GCNT2: variants seen among roughly 807,000 people sequenced by gnomAD.
GCNT2 encodes the protein glucosaminyl (N-acetyl) transferase 2 (I blood group).
Under a neutral mutation model 34.2 loss-of-function variants are expected in GCNT2, and 34 were observed. The ratio of observed to expected loss-of-function variants is 1.00; its 90% confidence interval spans 0.76 to 1.32. The LOEUF (loss-of-function observed/expected upper bound fraction) is 1.32. Ranked by LOEUF, GCNT2 falls within the 40% of genes most tolerant of loss-of-function variation. GCNT2 has a pLI of 0.00. For synonymous variants in GCNT2, 212 were observed against 188.0 expected, an observed-to-expected ratio of 1.13 and a Z score of -1.04; for missense variants, 584 against 489.4, an observed-to-expected ratio of 1.19 and a Z score of -1.82.
Position 10,529,117 on chromosome 6 carries a change from T to G in GCNT2, c.206T>G (p.Leu69Arg). 1 of 1,614,122 alleles carries G rather than the reference T, an allele frequency of 6.2e-7. No individual in the cohort carries two copies. The highest frequency in any genetic ancestry group is 8.5e-7 in the Non-Finnish European group (1 of 1,179,962). ...YPTENALKTT[L>R]DEATCYEYMV... ...ACAGAAAATGCATTGAAAACTACCCTTGATGAAGCTACCTGCTATGAGTAC... is the reference window on the plus strand; with the variant it reads ...ACAGAAAATGCATTGAAAACTACCCGTGATGAAGCTACCTGCTATGAGTAC... Residue 69 changes from leucine to arginine, a missense_variant, in exon 3 of 5, where the codon CTT (leucine) becomes CGT (arginine). Leu to Arg is a moderately radical substitution (Grantham distance 102). Coordinates refer to ENST00000495262, the MANE Select transcript of GCNT2 (RefSeq NM_145649.5).
At chr6:10,623,417 G>T (rs1486295428) in intron 4 of GCNT2, among the ~76,000 whole-genome samples, 1 of 151,216 alleles carries the variant, frequency 6.6e-6, no homozygotes, top group East Asian at 2.0e-4. Context: ...TCAGCCTCCT[G>T]AGTAGCTGAG....
chr6:10,530,191 G>T, intron 3 of GCNT2: 1 of 213,688 alleles, frequency 4.7e-6, no homozygotes, highest in Non-Finnish European at 9.6e-6. Context: ...GTGAAAACCT[G>T]TATCTACTAA....
At chr6:10,588,456 T>G (rs1221151198) in intron 3 of GCNT2, among the ~76,000 whole-genome samples, 2 of 152,224 alleles carry the variant, frequency 1.3e-5, no homozygotes, top group African/African-American at 4.8e-5. Flanking sequence ...AGCAATAGTA[T>G]GTTCACGTTG....
intron 3 of GCNT2, among the ~76,000 whole-genome samples, chr6:10,588,785 ATGTGTGTGTG>A (rs60988454): frequency 8.9e-5 from 12 of 135,162 alleles, no homozygotes; most frequent in Admixed American, 1.5e-4. Flanking sequence ...TGTGTGTGTG[ATGTGTGTGTG>A]TGTGTGTGTG....
At position 10,579,354 on chromosome 6, in the gene GCNT2, A is replaced by T. The variant is rs2127405255; in HGVS notation, c.926-41997A>T. On this transcript the variant is annotated intron_variant, in intron 3 of 4. Transcript: ENST00000495262. ...TTTTTAAATAGAATGTGCAGAATAT[A>T]TGTATAACATGTCTATTAATCCATT... Among the ~76,000 whole-genome samples, 4 of 152,330 alleles carry T rather than the reference A, an allele frequency of 2.6e-5. No individual in the cohort carries two copies. In the Middle Eastern group the frequency reaches 0.014, roughly 518 times the overall value.
chr6:10,556,797 A>T (rs1040029439), intron 3 of GCNT2: 1 of 1,614,200 alleles, frequency 6.2e-7, no homozygotes, highest in Non-Finnish European at 8.5e-7. Context: ...TACTGTGTTC[A>T]TGTGGATGAA....
Position 10,589,186 on chromosome 6 carries a change from G to A in GCNT2, c.926-32165G>A, listed in dbSNP as rs563754154. Among the ~76,000 whole-genome samples, 32 of 113,800 alleles carry A rather than the reference G, an allele frequency of 2.8e-4. No homozygotes were observed. The East Asian group carries it at 3.3e-3, about 12-fold the overall frequency. The allele number at this position is 113,800 out of a possible 152,430, so 74.7% of individuals were successfully genotyped here. ...TGTGGTGTGTGTGTGGTGTATGTGC[G>A]TCATGTGTGTATGGTGTGTGTGGTG... On this transcript the variant is annotated intron_variant, in intron 3 of 4. Transcript: ENST00000495262.
intron 3 of GCNT2, among the ~76,000 whole-genome samples, chr6:10,570,834 C>T (rs943712460): frequency 1.3e-5 from 2 of 152,192 alleles, no homozygotes; most frequent in Admixed American, 6.5e-5. Context: ...TGTCTGGTTT[C>T]TTCTCTCCCA....
chr6:10,527,490 GA>G lies in GCNT2; in HGVS notation c.-449del, dbSNP rs1358527427. ...TACATACAGACAATGCTAGGAGCCA[GA>G]AACATGAGGAATACATGAGCTCGGC... On this transcript the variant is annotated 5_prime_UTR_variant, in exon 2 of 5. It introduces an in-frame stop codon into an upstream open reading frame of the 5' UTR. Transcript: ENST00000495262. 1 of 152,200 alleles carries G rather than the reference GA, an allele frequency of 6.6e-6. No individual in the cohort carries two copies. Among genetic ancestry groups the G allele is most frequent in the Non-Finnish European group, 1.5e-5 (1 of 68,042 alleles). The allele number at this position is 152,200 out of a possible 1,614,324, so 9.4% of individuals were successfully genotyped here.
At chr6:10,564,638 C>T (rs529576584) in intron 3 of GCNT2, among the ~76,000 whole-genome samples, 3 of 152,338 alleles carry the variant, frequency 2.0e-5, no homozygotes, top group African/African-American at 7.2e-5. Context: ...CCGGCTCTGT[C>T]ACTTAGAAGT....
intron 1 of GCNT2, among the ~76,000 whole-genome samples, chr6:10,522,477 G>C (rs1307186140): frequency 6.6e-6 from 1 of 152,130 alleles, no homozygotes; most frequent in Non-Finnish European, 1.5e-5. Context: ...GTAGTAGATT[G>C]GCCAAATAGA....
At position 10,558,747 on chromosome 6, in the gene GCNT2, T is replaced by C. The variant is rs556139884; in HGVS notation, c.925+28911T>C. ...CTGGGCGATAAACACGCCGGCATTC[T>C]CTGGAAAATACCATGCCTGGTGTTT... On this transcript the variant is annotated intron_variant, in intron 3 of 4. Coordinates refer to ENST00000495262, the MANE Select transcript of GCNT2 (RefSeq NM_145649.5). Among the ~76,000 whole-genome samples the C allele has an allele frequency of 1.8e-3, 274 of 152,374 alleles. 1 individual carries two copies. Among genetic ancestry groups the C allele is most frequent in the African/African-American group, 6.2e-3 (257 of 41,600 alleles).
At chr6:10,537,761 G>A (rs1356240633) in intron 3 of GCNT2, among the ~76,000 whole-genome samples, 1 of 141,796 alleles carries the variant, frequency 7.1e-6, no homozygotes. Context: ...TGCATTTAAT[G>A]TACCTAATCT....
intron 3 of GCNT2, among the ~76,000 whole-genome samples, chr6:10,577,315 C>G (rs889776867): frequency 5.9e-5 from 9 of 152,294 alleles, no homozygotes; most frequent in African/African-American, 2.2e-4. Context: ...CCTGGAGTTG[C>G]CTCCTCTCAT....
intron 3 of GCNT2, among the ~76,000 whole-genome samples, chr6:10,581,327 A>G (rs1764060564): frequency 6.6e-6 from 1 of 152,026 alleles, no homozygotes; most frequent in South Asian, 2.1e-4. Context: ...CTGGAGTGCA[A>G]TGGCGTGATC....
At chr6:10,590,559 AT>A (rs200587850) in intron 3 of GCNT2, among the ~76,000 whole-genome samples, 142 of 142,866 alleles carry the variant, frequency 9.9e-4, no homozygotes, top group African/African-American at 1.3e-3. Flanking sequence ...ATTTTCACCT[AT>A]TTTTTTTTTT....
intron 3 of GCNT2, among the ~76,000 whole-genome samples, chr6:10,598,620 A>G (rs187530568): frequency 1.4e-3 from 216 of 152,322 alleles, no homozygotes; most frequent in African/African-American, 4.8e-3. Context: ...CTGAGTACCA[A>G]GTACTTACAC....
At chr6:10,565,627 G>A (rs567097080) in intron 3 of GCNT2, among the ~76,000 whole-genome samples, 8 of 152,238 alleles carry the variant, frequency 5.3e-5, no homozygotes, top group African/African-American at 1.7e-4. Context: ...TGGCCTGCCC[G>A]TTGCCTTTTC....
intron 1 of GCNT2, among the ~76,000 whole-genome samples, chr6:10,521,898 T>A (rs1760932124): frequency 6.7e-6 from 1 of 150,224 alleles, no homozygotes; most frequent in Non-Finnish European, 1.5e-5. Context: ...GTCTGGCATT[T>A]AAATTTTTTT....
Sources: allele counts gnomAD v4.1 joint callset (sites outside exome capture counted in the v4.1 genomes callset), GRCh38; gene constraint gnomAD v4.1.1; transcripts MANE v1.5; gene names NCBI Gene and HGNC (gene_info 2026-07-23, HGNC 2026-07-21).